Variants in SHTN1 observed in about 807,000 individuals in gnomAD.
SHTN1 encodes shootin-1.
In SHTN1, 42 loss-of-function variants were observed where a neutral mutation model predicts 83.1. That is an observed-to-expected ratio of 0.51 (90% CI 0.39 to 0.65). The LOEUF (loss-of-function observed/expected upper bound fraction) is 0.65. Among genes scored for constraint, SHTN1 ranks in the 30% least tolerant of loss-of-function variants. The pLI is 0.00. For synonymous variants in SHTN1, 224 were observed against 247.7 expected (o/e 0.90, Z 0.90); for missense variants, 622 against 737.8 (o/e 0.84, Z 1.82).
chr10:116,903,057 A>G (rs1847811946), intron 15 of SHTN1, among the ~76,000 whole-genome samples: 1 of 152,220 alleles, frequency 6.6e-6, no homozygotes, highest in African/African-American at 2.4e-5. Context: ...AAGAGAGACT[A>G]AAAAATTGTG....
intron 15 of SHTN1, among the ~76,000 whole-genome samples, chr10:116,902,162 GA>G (rs1278243757): frequency 1.3e-5 from 2 of 152,284 alleles, no homozygotes; most frequent in Non-Finnish European, 2.9e-5. Flanking sequence ...ACCACGCTGA[GA>G]AATTGTGTAC....
intron 3 of SHTN1, among the ~76,000 whole-genome samples, chr10:116,960,995 G>C (rs1199666549): frequency 6.6e-6 from 1 of 152,016 alleles, no homozygotes; most frequent in Non-Finnish European, 1.5e-5. Context: ...TTTAGAACTT[G>C]AGTTATATTT....
chr10:116,976,810 T>G (rs1850824604), intron 2 of SHTN1, among the ~76,000 whole-genome samples: 1 of 152,176 alleles, frequency 6.6e-6, no homozygotes, highest in Non-Finnish European at 1.5e-5. Context: ...CAGAGTGCAG[T>G]GAACTTAAAA....
intron 2 of SHTN1, 74 bp from the exon 3 acceptor site, chr10:116,968,786 A>C: frequency 8.8e-7 from 1 of 1,133,344 alleles, no homozygotes. Context: ...GCAAGAGCAA[A>C]CTTATAAACA....
At chr10:117,065,830 AAGG>A (rs1852987496) in intron 1 of SHTN1, among the ~76,000 whole-genome samples, 1 of 81,010 alleles carries the variant, frequency 1.2e-5, no homozygotes, top group East Asian at 7.1e-4. Flanking sequence ...GGAAGGAAGG[AAGG>A]AAGGAAGGAA....
chr10:117,061,135 C>CTTTTTTTTTTTTTTTTTTTT (rs5788206), intron 1 of SHTN1, among the ~76,000 whole-genome samples: 1 of 127,264 alleles, frequency 7.9e-6, no homozygotes. Flanking sequence ...AAGCTTTAGT[C>CTTTTTTTTTTTTTTTTTTTT]TTTTTTTTTT....
intron 1 of SHTN1, among the ~76,000 whole-genome samples, chr10:116,998,066 T>TG (rs959228730): frequency 2.6e-4 from 39 of 152,046 alleles, no homozygotes; most frequent in African/African-American, 9.2e-4. Context: ...CACTTCAGCC[T>TG]GGGGGACAGA....
intron 1 of SHTN1, among the ~76,000 whole-genome samples, chr10:117,070,357 A>G (rs1046301529): frequency 2.6e-5 from 4 of 152,048 alleles, no homozygotes; most frequent in Non-Finnish European, 5.9e-5. Context: ...CCACAGCCGG[A>G]GATTTTCTTT....
chr10:117,026,754 C>G (rs968870901), intron 2 of SHTN1, among the ~76,000 whole-genome samples: 6 of 152,208 alleles, frequency 3.9e-5, no homozygotes, highest in Non-Finnish European at 7.3e-5. Context: ...GCTTTTGACT[C>G]TAGTCCCCAG....
chr10:117,013,575 G>A (rs1421969000), intron 2 of SHTN1, among the ~76,000 whole-genome samples: 1 of 152,164 alleles, frequency 6.6e-6, no homozygotes, highest in Non-Finnish European at 1.5e-5. Flanking sequence ...ATAATACTAT[G>A]TATCTATTAG....
At chr10:116,925,045 T>C (rs1262530146) in intron 11 of SHTN1, among the ~76,000 whole-genome samples, 2 of 152,136 alleles carry the variant, frequency 1.3e-5, no homozygotes, top group South Asian at 2.1e-4. Context: ...CGTGAGCCAC[T>C]GCGCCCGGCC....
chr10:117,005,231 G>A (rs1220292737), upstream of SHTN1: 17 of 1,494,276 alleles, frequency 1.1e-5, no homozygotes, highest in East Asian at 5.0e-5. Context: ...GGCGCGGAGC[G>A]CGCGAGTGAG....
chr10:116,981,108 CAGG>C (rs1263134795), intron 1 of SHTN1, among the ~76,000 whole-genome samples: 2 of 152,108 alleles, frequency 1.3e-5, no homozygotes. Flanking sequence ...CACTTGAGGT[CAGG>C]AGTTCAAGAC....
chr10:117,095,037 G>T (rs542100458), intron 1 of SHTN1, among the ~76,000 whole-genome samples: 34 of 152,164 alleles, frequency 2.2e-4, no homozygotes, highest in Non-Finnish European at 3.7e-4. Context: ...AAGCAAGAAG[G>T]CTCATTGTTT....
intron 1 of SHTN1, among the ~76,000 whole-genome samples, chr10:117,103,833 G>A (rs1853636133): frequency 6.6e-6 from 1 of 152,144 alleles, no homozygotes; most frequent in Non-Finnish European, 1.5e-5. Context: ...ACCGCACACG[G>A]CCAATGTTTT....
intron 9 of SHTN1, among the ~76,000 whole-genome samples, chr10:116,934,056 G>A (rs1849065831): frequency 1.3e-5 from 2 of 152,016 alleles, no homozygotes; most frequent in Admixed American, 1.3e-4. Flanking sequence ...GTAAATTCTG[G>A]ATATTAGCCC....
upstream of SHTN1, among the ~76,000 whole-genome samples, chr10:117,007,243 G>C (rs1589892909): frequency 2.0e-5 from 3 of 151,936 alleles, no homozygotes; most frequent in African/African-American, 7.2e-5. Context: ...AACCTGATGA[G>C]TCATCCTGAC....
intron 3 of SHTN1, 61 bp from the exon 4 acceptor site, chr10:116,960,291 C>T: frequency 1.1e-6 from 1 of 898,100 alleles, no homozygotes; most frequent in East Asian, 2.4e-5. Flanking sequence ...TTCCAGGAGC[C>T]CACGCATCGT....
intron 1 of SHTN1, among the ~76,000 whole-genome samples, chr10:116,993,406 A>G (rs1851515366): frequency 6.6e-6 from 1 of 152,202 alleles, no homozygotes; most frequent in African/African-American, 2.4e-5. Flanking sequence ...GATAGCAATG[A>G]GCACTCGTAA....
Sources: gnomAD v4.1 joint callset for allele counts (sites outside exome capture counted in the v4.1 genomes callset) on GRCh38, gnomAD v4.1.1 for gene constraint, MANE v1.5 for transcripts, NCBI Gene and HGNC (gene_info 2026-07-23, HGNC 2026-07-21) for gene names.